RANBP2: variants seen among roughly 807,000 people sequenced by gnomAD.
RANBP2 encodes E3 SUMO-protein ligase RanBP2.
In RANBP2, 57 loss-of-function variants were observed where a neutral mutation model predicts 303.6. The observed-to-expected ratio is 0.19, with a 90% CI of 0.15 to 0.23. The LOEUF (loss-of-function observed/expected upper bound fraction) is 0.23, where lower values mean the gene tolerates loss of function less well. RANBP2 is among the 10% of genes least tolerant of loss of function. The pLI is 1.00. For synonymous variants in RANBP2, 1,167 were observed against 1,301.5 expected (o/e 0.90, Z 2.23); for missense variants, 3,138 against 3,780.8 (o/e 0.83, Z 4.46).
the RANBP2 span, among the ~76,000 whole-genome samples, chr2:108,958,138 G>A: frequency 2.0e-5 from 3 of 152,040 alleles, no homozygotes; most frequent in Admixed American, 2.0e-4. Context: ...CCTCCTCCAG[G>A]CCCAGGAGAA....
the RANBP2 span, among the ~76,000 whole-genome samples, chr2:109,135,951 C>T: frequency 6.6e-6 from 1 of 152,172 alleles, no homozygotes; most frequent in South Asian, 2.1e-4. Flanking sequence ...CTGATCCAGC[C>T]TGTTGGCAGG....
the RANBP2 span, among the ~76,000 whole-genome samples, chr2:108,816,748 T>G: frequency 2.2e-4 from 33 of 152,130 alleles, no homozygotes; most frequent in African/African-American, 7.7e-4. Context: ...TAGGCTGGAG[T>G]GCAGTGGCCC....
At chr2:109,680,209 C>G in the RANBP2 span, among the ~76,000 whole-genome samples, 1 of 148,890 alleles carries the variant, frequency 6.7e-6, no homozygotes, top group East Asian at 2.0e-4. Context: ...AAAAATTAGC[C>G]GGGCATGGTG....
chr2:109,646,801 C>T, the RANBP2 span, among the ~76,000 whole-genome samples: 5 of 151,920 alleles, frequency 3.3e-5, no homozygotes, highest in Admixed American at 1.3e-4. Context: ...CCACTGCTCC[C>T]GGCCACAAAT....
At chr2:108,773,154 G>T in intron 23 of RANBP2, 108 bp downstream of exon 23, 1 of 1,254,960 alleles carries the variant, frequency 8.0e-7, no homozygotes, top group Non-Finnish European at 1.1e-6. Flanking sequence ...TTTTACTCTT[G>T]TTGCCCAGGC....
chr2:108,808,448 G>A, the RANBP2 span, among the ~76,000 whole-genome samples: 4 of 152,084 alleles, frequency 2.6e-5, no homozygotes, highest in East Asian at 3.9e-4. Flanking sequence ...TGTGTTTTTC[G>A]TAATGGCTGT....
chr2:109,639,297 G>A, the RANBP2 span, among the ~76,000 whole-genome samples: 1 of 152,174 alleles, frequency 6.6e-6, no homozygotes, highest in Non-Finnish European at 1.5e-5. Context: ...GCTTTAATAA[G>A]TGTTTATTGG....
chr2:108,786,791 T>G (rs1380788680), downstream of RANBP2: 2 of 1,560,614 alleles, frequency 1.3e-6, no homozygotes, highest in Non-Finnish European at 1.7e-6. Flanking sequence ...TGAACGCGGT[T>G]CCCGGGGAGA....
At chr2:109,361,106 T>C in the RANBP2 span, among the ~76,000 whole-genome samples, 2 of 152,226 alleles carry the variant, frequency 1.3e-5, no homozygotes, top group Non-Finnish European at 2.9e-5. Flanking sequence ...TTCTTTAGCC[T>C]GTGGATATGA....
At chr2:109,437,176 G>A in the RANBP2 span, 2 of 1,581,920 alleles carry the variant, frequency 1.3e-6, no homozygotes, top group African/African-American at 1.3e-5. Context: ...ACCCTGCAGG[G>A]CATCAACAAG....
the RANBP2 span, chr2:108,930,016 C>T: frequency 7.1e-7 from 1 of 1,407,348 alleles, no homozygotes; most frequent in Non-Finnish European, 9.6e-7. Flanking sequence ...GTTTGATATA[C>T]CCTGGCATCC....
the RANBP2 span, among the ~76,000 whole-genome samples, chr2:109,011,314 C>A: frequency 1.4e-4 from 21 of 152,246 alleles, no homozygotes; most frequent in Admixed American, 1.3e-3. Context: ...CCATTCCATA[C>A]CCTTCTTTAT....
chr2:109,100,562 C>T, the RANBP2 span, among the ~76,000 whole-genome samples: 1 of 152,120 alleles, frequency 6.6e-6, no homozygotes, highest in Admixed American at 6.5e-5. Flanking sequence ...AGGGGCTCTA[C>T]CCCAGAAGAG....
At chr2:109,358,808 C>A in the RANBP2 span, among the ~76,000 whole-genome samples, 2 of 152,180 alleles carry the variant, frequency 1.3e-5, no homozygotes, top group Admixed American at 1.3e-4. Context: ...CTTATCAATT[C>A]TTTCTTTTGT....
intron 1 of RANBP2, among the ~76,000 whole-genome samples, chr2:108,720,467 G>C (rs1431961652): frequency 6.6e-6 from 1 of 152,158 alleles, no homozygotes; most frequent in Non-Finnish European, 1.5e-5. Flanking sequence ...TAAATAATGT[G>C]ATCTATTTTG....
the RANBP2 span, among the ~76,000 whole-genome samples, chr2:109,767,356 T>C: frequency 6.7e-6 from 1 of 148,338 alleles, no homozygotes; most frequent in African/African-American, 2.5e-5. Context: ...CAGACAAATA[T>C]GCTCTTACTT....
chr2:108,768,703 AT>A (rs1677289010), intron 20 of RANBP2, among the ~76,000 whole-genome samples: 1 of 152,010 alleles, frequency 6.6e-6, no homozygotes, highest in South Asian at 2.1e-4. Flanking sequence ...TAAAGTGTTC[AT>A]TTTCATTTGT....
the RANBP2 span, among the ~76,000 whole-genome samples, chr2:109,583,489 C>G: frequency 6.6e-6 from 1 of 152,194 alleles, no homozygotes; most frequent in African/African-American, 2.4e-5. Flanking sequence ...CAAAACACAA[C>G]AGATACTGGC....
chr2:109,273,412 C>T, the RANBP2 span, among the ~76,000 whole-genome samples: 1 of 152,160 alleles, frequency 6.6e-6, no homozygotes, highest in African/African-American at 2.4e-5. Flanking sequence ...CAAGGGGACC[C>T]TGAGACCCAT....
Sources: gnomAD v4.1 joint callset for allele counts (sites outside exome capture counted in the v4.1 genomes callset) on GRCh38, gnomAD v4.1.1 for gene constraint, MANE v1.5 for transcripts, NCBI Gene and HGNC (gene_info 2026-07-23, HGNC 2026-07-21) for gene names.